Variants in NAALADL2 observed in about 807,000 individuals in gnomAD.
NAALADL2 encodes the protein inactive N-acetylated-alpha-linked acidic dipeptidase-like protein 2.
In NAALADL2, 76 loss-of-function variants were observed where a neutral mutation model predicts 87.2. The observed-to-expected ratio is 0.87, with a 90% confidence interval of 0.72 to 1.05. NAALADL2 has a LOEUF of 1.05. Among genes scored for constraint, NAALADL2 ranks in the 50% least tolerant of loss-of-function variants. The pLI, the probability that NAALADL2 is intolerant of heterozygous loss-of-function variation, is 0.00. For missense variants in NAALADL2, 1,089 were observed against 945.8 expected (o/e 1.15, Z -1.99); for synonymous variants, 354 against 331.0 (o/e 1.07, Z -0.75).
Position 174,672,405 on chromosome 3 carries a change from C to A in NAALADL2, c.-114-65236C>A, listed in dbSNP as rs144053107. Among the ~76,000 whole-genome samples, 841 of 151,956 alleles carry A rather than the reference C, an allele frequency of 5.5e-3. 10 individuals are homozygous for A. The highest frequency in any genetic ancestry group is 0.02 in the African/African-American group (814 of 41,468). ...CATTCAGTACATGTTTATTGAGGGC[C>A]TATTATGGGGTCAGGCTCTATTCTA... On this transcript the variant is annotated intron_variant, in intron 2 of 3. Transcript: ENST00000434257.
At chr3:175,364,403 T>C (rs866458364) in intron 5 of NAALADL2, among the ~76,000 whole-genome samples, 1 of 147,622 alleles carries the variant, frequency 6.8e-6, no homozygotes, top group Non-Finnish European at 1.5e-5. Context: ...GCAGGAGAAA[T>C]GTAGCAAATT....
At chr3:174,883,805 G>A (rs1009731975) in intron 1 of NAALADL2, among the ~76,000 whole-genome samples, 1 of 152,096 alleles carries the variant, frequency 6.6e-6, no homozygotes, top group African/African-American at 2.4e-5. Flanking sequence ...TTCCTGAAGG[G>A]TCTGGGTCTT....
intron 1 of NAALADL2, among the ~76,000 whole-genome samples, chr3:174,475,049 T>G (rs1717134885): frequency 6.6e-6 from 1 of 151,934 alleles, no homozygotes; most frequent in Middle Eastern, 3.2e-3. Flanking sequence ...TGATAAATGG[T>G]GTCTGGAATT....
chr3:174,778,620 C>T (rs538231150), intron 3 of NAALADL2, among the ~76,000 whole-genome samples: 18 of 151,912 alleles, frequency 1.2e-4, no homozygotes, highest in Non-Finnish European at 2.5e-4. Flanking sequence ...TAATGCTATC[C>T]CTCTCCTAGA....
At chr3:175,551,922 C>CAAAAAA (rs11456834) in intron 9 of NAALADL2, among the ~76,000 whole-genome samples, 10 of 122,714 alleles carry the variant, frequency 8.1e-5, no homozygotes, top group African/African-American at 2.6e-4. Flanking sequence ...GACTCTGTCT[C>CAAAAAA]AAAAAAAAAA....
At chr3:175,379,359 T>C (rs1358994362) in intron 5 of NAALADL2, among the ~76,000 whole-genome samples, 2 of 152,004 alleles carry the variant, frequency 1.3e-5, no homozygotes, top group African/African-American at 4.8e-5. Flanking sequence ...CTACAAACTA[T>C]CCATATTCTC....
At chr3:174,574,810 G>A (rs1353696537) in intron 2 of NAALADL2, among the ~76,000 whole-genome samples, 1 of 151,972 alleles carries the variant, frequency 6.6e-6, no homozygotes, top group Non-Finnish European at 1.5e-5. Context: ...TTCACTCAGT[G>A]TAATTTTTTT....
intron 1 of NAALADL2, among the ~76,000 whole-genome samples, chr3:174,924,605 T>C (rs980812207): frequency 6.6e-6 from 1 of 152,156 alleles, no homozygotes. Flanking sequence ...TCAAATGGTA[T>C]TTCCAGTTCT....
chr3:175,419,394 A>T (rs1020727952), intron 5 of NAALADL2, among the ~76,000 whole-genome samples: 2 of 152,054 alleles, frequency 1.3e-5, no homozygotes, highest in African/African-American at 4.8e-5. Context: ...AGCAAAAATT[A>T]TATAAAAAAT....
intron 5 of NAALADL2, among the ~76,000 whole-genome samples, chr3:175,379,616 G>A (rs367970214): frequency 9.3e-5 from 14 of 151,040 alleles, no homozygotes; most frequent in East Asian, 2.0e-4. Flanking sequence ...TCACTGCAAC[G>A]TCTGCCTCCT....
At chr3:174,812,160 G>A (rs1350308878) in intron 3 of NAALADL2, among the ~76,000 whole-genome samples, 1 of 151,962 alleles carries the variant, frequency 6.6e-6, no homozygotes, top group Non-Finnish European at 1.5e-5. Flanking sequence ...TTTAATAGCA[G>A]CGTGAGAATG....
At chr3:175,272,943 CAT>C (rs1753066156) in intron 4 of NAALADL2, among the ~76,000 whole-genome samples, 1 of 151,902 alleles carries the variant, frequency 6.6e-6, no homozygotes, top group African/African-American at 2.4e-5. Flanking sequence ...ATAGCAATAA[CAT>C]ATTAATGGCA....
chr3:174,948,909 C>T (rs1229201577), intron 1 of NAALADL2, among the ~76,000 whole-genome samples: 3 of 152,116 alleles, frequency 2.0e-5, no homozygotes, highest in Non-Finnish European at 4.4e-5. Context: ...TTATTTCTCC[C>T]AATTCTGGAG....
intron 1 of NAALADL2, among the ~76,000 whole-genome samples, chr3:175,062,071 C>A (rs561330717): frequency 2.4e-4 from 36 of 150,144 alleles, no homozygotes; most frequent in Middle Eastern, 3.4e-3. Flanking sequence ...GAACAAAACC[C>A]ATTTAATTAC....
intron 5 of NAALADL2, among the ~76,000 whole-genome samples, chr3:175,425,627 G>C (rs1411822858): frequency 2.0e-5 from 3 of 151,976 alleles, no homozygotes; most frequent in Non-Finnish European, 4.4e-5. Context: ...ATTTCTGTTT[G>C]TATCTATAAG....
Position 175,234,067 on chromosome 3 carries a change from C to T in NAALADL2, c.682C>T (p.Pro228Ser). The T allele has an allele frequency of 6.2e-7, 1 of 1,613,922 alleles. No individual in the cohort carries two copies. The highest frequency in any genetic ancestry group is 8.5e-7 in the Non-Finnish European group (1 of 1,179,854). Residue 228 changes from proline to serine, a missense_variant, in exon 3 of 14, where the codon CCC becomes TCC. Physicochemically the swap from Pro to Ser is moderately conservative, Grantham distance 74 (BLOSUM62 -1). Coordinates refer to ENST00000454872, the MANE Select transcript of NAALADL2 (RefSeq NM_207015.3). ...GCTGCTTGATCTGCCAGGCCCTTCT[C>T]CCAGCACTGTGACTCTGAGCAGCAG... ...SVLLDLPGPS[P>S]STVTLSSSGQ...
intron 1 of NAALADL2, among the ~76,000 whole-genome samples, chr3:174,524,881 A>G (rs1277642902): frequency 1.3e-5 from 2 of 152,166 alleles, no homozygotes; most frequent in African/African-American, 4.8e-5. Context: ...ATTGCCTAGT[A>G]AAGTTATAGC....
intron 13 of NAALADL2, among the ~76,000 whole-genome samples, chr3:175,775,330 A>C (rs1196864873): frequency 6.6e-6 from 1 of 152,142 alleles, no homozygotes; most frequent in African/African-American, 2.4e-5. Context: ...TTAATATAGA[A>C]AGGGAATATT....
intron 1 of NAALADL2, among the ~76,000 whole-genome samples, chr3:174,951,464 T>A (rs1261562601): frequency 6.6e-6 from 1 of 152,112 alleles, no homozygotes; most frequent in Non-Finnish European, 1.5e-5. Context: ...ATCTCCAAAG[T>A]ATAGAGAGGT....
Sources: gnomAD v4.1 joint callset for allele counts (sites outside exome capture counted in the v4.1 genomes callset) on GRCh38, gnomAD v4.1.1 for gene constraint, MANE v1.5 for transcripts, NCBI Gene and HGNC (gene_info 2026-07-23, HGNC 2026-07-21) for gene names.